The following NSG2 variants were observed in gnomAD, a reference collection of about 807,000 sequenced individuals.
The protein encoded by NSG2 is neuronal vesicle trafficking associated 2.
NSG2 carries 4 observed loss-of-function variants against 16.9 expected under a neutral mutation model. That is an observed-to-expected ratio of 0.24 (90% CI 0.12 to 0.54). The LOEUF is 0.54. Ranked by LOEUF, NSG2 falls within the 20% of genes least tolerant of loss-of-function variation. The pLI, the probability that NSG2 is intolerant of heterozygous loss-of-function variation, is 0.95. For synonymous variants in NSG2, 98 were observed against 88.7 expected, an observed-to-expected ratio of 1.11 and a Z score of -0.59; for missense variants, 179 against 221.1, an observed-to-expected ratio of 0.81 and a Z score of 1.21.
chr5:174,100,376 C>T (rs917208938), intron 3 of NSG2, among the ~76,000 whole-genome samples: 1 of 152,202 alleles, frequency 6.6e-6, no homozygotes, highest in Non-Finnish European at 1.5e-5. Flanking sequence ...TCATTTGAAA[C>T]GTTTGAATCC....
chr5:174,051,365 C>T (rs1297350516), intron 2 of NSG2, among the ~76,000 whole-genome samples: 4 of 152,198 alleles, frequency 2.6e-5, no homozygotes, highest in Non-Finnish European at 5.9e-5. Flanking sequence ...CCTCCATGAA[C>T]ATGCCATTCC....
chr5:174,097,633 G>C (rs1272868887), intron 3 of NSG2, among the ~76,000 whole-genome samples: 2 of 144,518 alleles, frequency 1.4e-5, no homozygotes, highest in Admixed American at 1.4e-4. Flanking sequence ...GTGTGTCTCT[G>C]TGTGTGTGTT....
intron 3 of NSG2, chr5:174,082,523 G>C (rs1372173548): frequency 6.6e-6 from 1 of 152,222 alleles, no homozygotes; most frequent in Non-Finnish European, 1.5e-5. Context: ...TTCCCTCCCT[G>C]TTGCAGGTCT....
At chr5:174,100,928 G>A (rs1182604835) in intron 3 of NSG2, among the ~76,000 whole-genome samples, 2 of 152,236 alleles carry the variant, frequency 1.3e-5, no homozygotes, top group East Asian at 3.8e-4. Context: ...CTCTCAAGAG[G>A]CCTGGGACTC....
At chr5:174,057,303 T>C (rs1759980735) in intron 2 of NSG2, among the ~76,000 whole-genome samples, 1 of 152,214 alleles carries the variant, frequency 6.6e-6, no homozygotes, top group Non-Finnish European at 1.5e-5. Flanking sequence ...AGGCTTTCTT[T>C]GCAAATTTAT....
chr5:174,058,362 T>C (rs1043716666), intron 2 of NSG2, among the ~76,000 whole-genome samples: 1 of 152,004 alleles, frequency 6.6e-6, no homozygotes, highest in African/African-American at 2.4e-5. Context: ...ACCCAAAAGG[T>C]AGAGGTTGCA....
At chr5:174,090,375 G>GC (rs2113465012) in intron 3 of NSG2, among the ~76,000 whole-genome samples, 1 of 152,330 alleles carries the variant, frequency 6.6e-6, no homozygotes, top group South Asian at 2.1e-4. Context: ...CGCCAGGGAA[G>GC]CTTGTTAGAG....
In NSG2 at chr5:174,107,699, C is replaced by T. The variant is rs1451865562; in HGVS notation, c.*194C>T. On this transcript the variant is annotated 3_prime_UTR_variant, in exon 5 of 5. Transcript: ENST00000303177. This position sits in a 1 kb window ranked among gnomAD's most constrained non-coding sequence, Gnocchi z 4.5. ...TCTGAACCGATATTTCTTTTTGTTCCTTGGTATTGTTGATTCGTCGCCGAG... is the reference window on the plus strand; with the variant it reads ...TCTGAACCGATATTTCTTTTTGTTCTTTGGTATTGTTGATTCGTCGCCGAG... 1 of 713,282 alleles carries T rather than the reference C, an allele frequency of 1.4e-6. No homozygotes were observed. Among genetic ancestry groups the T allele is most frequent in the Non-Finnish European group, 2.5e-6 (1 of 395,998 alleles). 44.2% of individuals were successfully genotyped at this position (713,282 alleles called of 1,614,324 possible).
chr5:174,071,864 T>C (rs1332210497), intron 3 of NSG2, among the ~76,000 whole-genome samples: 3 of 152,196 alleles, frequency 2.0e-5, no homozygotes, highest in Admixed American at 6.5e-5. Context: ...GATCCCCGGC[T>C]ACACAGGAAT....
At chr5:174,075,672 T>G (rs529631467) in intron 3 of NSG2, among the ~76,000 whole-genome samples, 6 of 152,314 alleles carry the variant, frequency 3.9e-5, no homozygotes, top group African/African-American at 1.4e-4. Context: ...AGTCACAAGG[T>G]GGGAGAGCTC....
At chr5:174,067,836 C>G (rs1294479723) in intron 3 of NSG2, among the ~76,000 whole-genome samples, 1 of 151,998 alleles carries the variant, frequency 6.6e-6, no homozygotes, top group African/African-American at 2.4e-5. Context: ...GGACTTGCTC[C>G]TGGTTGGAGG....
intron 3 of NSG2, among the ~76,000 whole-genome samples, chr5:174,102,359 C>A (rs1243937982): frequency 6.6e-6 from 1 of 152,144 alleles, no homozygotes; most frequent in African/African-American, 2.4e-5. Context: ...CATGGGCACT[C>A]CCAAAGTTAA....
At chr5:174,076,960 G>T (rs1189166202) in intron 3 of NSG2, among the ~76,000 whole-genome samples, 2 of 152,154 alleles carry the variant, frequency 1.3e-5, no homozygotes, top group African/African-American at 2.4e-5. Context: ...CGCCACCAAG[G>T]ATAAGTCAGA....
At chr5:174,081,295 G>A (rs1387514717) in intron 3 of NSG2, among the ~76,000 whole-genome samples, 4 of 151,896 alleles carry the variant, frequency 2.6e-5, no homozygotes, top group Admixed American at 6.6e-5. Flanking sequence ...TAATTGCAGT[G>A]GTCAGTACTT....
chr5:174,066,765 TG>T (rs1760145961), intron 3 of NSG2, among the ~76,000 whole-genome samples: 1 of 152,022 alleles, frequency 6.6e-6, no homozygotes, highest in South Asian at 2.1e-4. Context: ...AAATGATGGC[TG>T]TGTCACGAGG....
At position 174,107,203 on chromosome 5, in the gene NSG2, C is replaced by T. The variant is rs1760995908; in HGVS notation, c.325-111C>T. 1 of 954,670 alleles carries T rather than the reference C, an allele frequency of 1.0e-6. No homozygotes were observed. The highest frequency in any genetic ancestry group is 1.5e-6 in the Non-Finnish European group (1 of 650,558). The allele number at this position is 954,670 out of a possible 1,614,324, so 59.1% of individuals were successfully genotyped here. On this transcript the variant is annotated intron_variant, in intron 4 of 4. Transcript: ENST00000303177. The surrounding 1 kb of genome is among the most constrained non-coding windows in gnomAD (Gnocchi z 4.5). ...GCCCAGGTCAGGAGCTGTCACCTGC[C>T]CTCTGGCTGACAGCCCGATGCAGCT... is the stretch of plus-strand genomic sequence containing the variant.
intron 3 of NSG2, chr5:174,066,107 G>C (rs1209733641): frequency 4.5e-6 from 2 of 439,700 alleles, no homozygotes; most frequent in East Asian, 1.4e-4. Context: ...GAGGAGTGTG[G>C]TCCCTCTGTG....
chr5:174,105,887 C>T (rs764243527), intron 4 of NSG2, among the ~76,000 whole-genome samples: 4 of 151,832 alleles, frequency 2.6e-5, no homozygotes, highest in Admixed American at 6.6e-5. Flanking sequence ...GGGGACAGAG[C>T]GAGACTCTGT....
chr5:174,102,127 C>T (rs1760904207), intron 3 of NSG2, among the ~76,000 whole-genome samples: 1 of 152,172 alleles, frequency 6.6e-6, no homozygotes, highest in African/African-American at 2.4e-5. Flanking sequence ...ACAGTACTGT[C>T]CTAAAACTTC....
Sources: gnomAD v4.1 joint callset for allele counts (sites outside exome capture counted in the v4.1 genomes callset) on GRCh38, gnomAD v4.1.1 for gene constraint, Gnocchi (gnomAD v3.1) non-coding constraint, MANE v1.5 for transcripts, NCBI Gene and HGNC (gene_info 2026-07-23, HGNC 2026-07-21) for gene names.